CHCHD6: variants seen among roughly 807,000 people sequenced by gnomAD.
CHCHD6 encodes MICOS complex subunit MIC25.
Under a neutral mutation model 32.3 loss-of-function variants are expected in CHCHD6, and 28 were observed. That is an observed-to-expected ratio of 0.87 (90% confidence interval 0.64 to 1.19). CHCHD6 has a LOEUF of 1.19. Ranked by LOEUF, CHCHD6 falls within the 50% of genes most tolerant of loss-of-function variation. CHCHD6 has a pLI of 0.00. For synonymous variants in CHCHD6, 122 were observed against 117.5 expected, an observed-to-expected ratio of 1.04 and a Z score of -0.25; for missense variants, 333 against 307.0, an observed-to-expected ratio of 1.08 and a Z score of -0.63.
rs1000797242 is a variant in CHCHD6 at position 126,812,808 on chromosome 3, C to A, written c.412-39839C>A. On this transcript the variant is annotated intron_variant, in intron 4 of 7. Coordinates refer to ENST00000290913, the MANE Select transcript of CHCHD6 (RefSeq NM_032343.3). The stretch of plus-strand genomic sequence containing the variant: ...TTTTCTTCTTTTCCCTGTTGGTTGG[C>A]ACCTTGGGATTTTTACATGTGCCTT... Among the ~76,000 whole-genome samples the A allele has an allele frequency of 3.3e-5, 5 of 152,220 alleles. No individual in the cohort carries two copies. The Middle Eastern group carries it at 0.01, about 311-fold the overall frequency.
chr3:126,803,538 A>G (rs1453723370), intron 4 of CHCHD6, among the ~76,000 whole-genome samples: 2 of 152,248 alleles, frequency 1.3e-5, no homozygotes, highest in Admixed American at 6.5e-5. Flanking sequence ...ATCTGCACCC[A>G]ATACAGGAGC....
chr3:126,707,924 G>A (rs1482444033), intron 1 of CHCHD6, among the ~76,000 whole-genome samples: 1 of 152,256 alleles, frequency 6.6e-6, no homozygotes, highest in Non-Finnish European at 1.5e-5. Flanking sequence ...TGGCCTTGCT[G>A]AGACAATGAG....
At chr3:126,705,210 C>A (rs978264542) in intron 1 of CHCHD6, among the ~76,000 whole-genome samples, 2 of 152,334 alleles carry the variant, frequency 1.3e-5, no homozygotes, top group Middle Eastern at 3.4e-3. Flanking sequence ...TAACCTCCCA[C>A]CCCGCGTCCA....
At chr3:126,721,429 TGTCTAA>T (rs1306372063) in intron 1 of CHCHD6, among the ~76,000 whole-genome samples, 1 of 152,204 alleles carries the variant, frequency 6.6e-6, no homozygotes, top group Middle Eastern at 3.2e-3. Flanking sequence ...GCTTCTCCTG[TGTCTAA>T]GTCTGCGCCT....
At chr3:126,960,094 C>A in intron 7 of CHCHD6, 102 bp from the exon 8 acceptor site, 1 of 1,421,694 alleles carries the variant, frequency 7.0e-7, no homozygotes, top group Non-Finnish European at 9.7e-7. Context: ...CAACTCACAG[C>A]TGCTCCCTGG....
chr3:126,957,982 A>G (rs973657325), intron 7 of CHCHD6: 9 of 302,706 alleles, frequency 3.0e-5, no homozygotes, highest in South Asian at 1.3e-4. Context: ...AGATGTGGCC[A>G]TCAGAAGCTG....
At chr3:126,907,466 T>C (rs1175499030) in intron 5 of CHCHD6, among the ~76,000 whole-genome samples, 3 of 152,234 alleles carry the variant, frequency 2.0e-5, no homozygotes, top group Non-Finnish European at 4.4e-5. Context: ...TGGACCTTTT[T>C]AAAAAGACTT....
At chr3:126,743,666 G>C (rs747238649) in intron 4 of CHCHD6, among the ~76,000 whole-genome samples, 3 of 152,148 alleles carry the variant, frequency 2.0e-5, no homozygotes, top group African/African-American at 7.2e-5. Flanking sequence ...CTTGGCCTCT[G>C]AGTGCCCACT....
intron 4 of CHCHD6, among the ~76,000 whole-genome samples, chr3:126,823,180 C>T (rs1339160015): frequency 1.3e-5 from 2 of 151,762 alleles, no homozygotes; most frequent in Non-Finnish European, 2.9e-5. Context: ...GCCTCACAAA[C>T]TGCTAGGATT....
At chr3:126,780,368 A>G in intron 4 of CHCHD6, 2 of 430,250 alleles carry the variant, frequency 4.6e-6, no homozygotes, top group Non-Finnish European at 4.6e-6. Flanking sequence ...TCAAAAGTCC[A>G]AAGGTATCCA....
chr3:126,873,477 C>T (rs1474266496), intron 5 of CHCHD6, among the ~76,000 whole-genome samples: 1 of 152,212 alleles, frequency 6.6e-6, no homozygotes. Flanking sequence ...ACTCCAAGTG[C>T]ATGAGTTTCC....
chr3:126,764,399 G>A (rs957749375), intron 4 of CHCHD6, among the ~76,000 whole-genome samples: 1 of 152,078 alleles, frequency 6.6e-6, no homozygotes, highest in African/African-American at 2.4e-5. Flanking sequence ...GGGCAACTGT[G>A]TACCTTTCTC....
At chr3:126,924,834 G>A (rs892654206) in intron 6 of CHCHD6, among the ~76,000 whole-genome samples, 1 of 152,228 alleles carries the variant, frequency 6.6e-6, no homozygotes, top group African/African-American at 2.4e-5. Flanking sequence ...CCATGGACAT[G>A]CTGAGGCTCT....
chr3:126,809,175 T>C (rs960790415), intron 4 of CHCHD6, among the ~76,000 whole-genome samples: 4 of 152,200 alleles, frequency 2.6e-5, no homozygotes, highest in African/African-American at 9.6e-5. Context: ...AGTTTTGCTA[T>C]GTTGGCCAGG....
chr3:126,826,825 G>C lies in CHCHD6; in HGVS notation c.412-25822G>C, dbSNP rs543270332. Reference sequence around the variant, plus strand: ...ATGACCCCGAGCTTCAACATCCACAGTGTGGCCAATTTTTGCAGAATTAGG... The same window carrying C: ...ATGACCCCGAGCTTCAACATCCACACTGTGGCCAATTTTTGCAGAATTAGG... On this transcript the variant is annotated intron_variant, in intron 4 of 7. Coordinates refer to ENST00000290913, the MANE Select transcript of CHCHD6 (RefSeq NM_032343.3). 2.6e-4 allele frequency among the ~76,000 whole-genome samples: 39 copies of C among 152,286 alleles called. 1 individual carries two copies. Among genetic ancestry groups the C allele is most frequent in the Middle Eastern group, 3.4e-3 (1 of 294 alleles).
At chr3:126,807,735 G>A (rs537772887) in intron 4 of CHCHD6, among the ~76,000 whole-genome samples, 3 of 152,158 alleles carry the variant, frequency 2.0e-5, no homozygotes, top group Non-Finnish European at 2.9e-5. Context: ...GAATATAAAG[G>A]ACAAGAACTG....
chr3:126,787,464 A>G (rs1576415304), intron 4 of CHCHD6, among the ~76,000 whole-genome samples: 1 of 150,858 alleles, frequency 6.6e-6, no homozygotes, highest in Admixed American at 6.6e-5. Context: ...TGAGCATGGA[A>G]TGTTCTTCCA....
intron 4 of CHCHD6, among the ~76,000 whole-genome samples, chr3:126,747,351 G>A (rs1023765258): frequency 7.2e-5 from 11 of 152,136 alleles, no homozygotes; most frequent in South Asian, 2.1e-4. Flanking sequence ...CTCCATACAC[G>A]TTCGGTTTTC....
intron 5 of CHCHD6, among the ~76,000 whole-genome samples, chr3:126,853,254 T>TAAAA (rs60860773): frequency 1.5e-5 from 2 of 132,932 alleles, no homozygotes; most frequent in Non-Finnish European, 3.2e-5. Context: ...ATCATGCCTT[T>TAAAA]AAAAAAAAAA....
Sources: allele counts gnomAD v4.1 joint callset (sites outside exome capture counted in the v4.1 genomes callset), GRCh38; gene constraint gnomAD v4.1.1; transcripts MANE v1.5; gene names NCBI Gene and HGNC (gene_info 2026-07-23, HGNC 2026-07-21).